The following SLC24A2 variants were observed in gnomAD, a reference collection of about 807,000 sequenced individuals.
SLC24A2 encodes sodium/potassium/calcium exchanger 2.
Under a neutral mutation model 62.0 loss-of-function variants are expected in SLC24A2, and 36 were observed. The observed-to-expected ratio is 0.58, with a 90% CI of 0.44 to 0.77. The LOEUF is 0.77. SLC24A2 is among the 30% of genes least tolerant of loss of function. The pLI, the probability that SLC24A2 is intolerant of heterozygous loss-of-function variation, is 0.00. For missense variants in SLC24A2, 846 were observed against 817.9 expected, an observed-to-expected ratio of 1.03 and a Z score of -0.42; for synonymous variants, 358 against 294.0, an observed-to-expected ratio of 1.22 and a Z score of -2.23.
the SLC24A2 span, among the ~76,000 whole-genome samples, chr9:20,263,459 G>A: frequency 6.6e-6 from 1 of 151,932 alleles, no homozygotes; most frequent in African/African-American, 2.4e-5. Context: ...ATGTTTCCAG[G>A]GCTGGTCTCA....
chr9:19,589,382 A>G (rs1026929679), intron 5 of SLC24A2, among the ~76,000 whole-genome samples: 5 of 152,212 alleles, frequency 3.3e-5, no homozygotes, highest in Admixed American at 1.3e-4. Flanking sequence ...AGAAACTGAT[A>G]AAAGTGGTCA....
At chr9:20,026,530 G>A in the SLC24A2 span, among the ~76,000 whole-genome samples, 1 of 152,118 alleles carries the variant, frequency 6.6e-6, no homozygotes, top group African/African-American at 2.4e-5. Context: ...CCAGTTAATG[G>A]CATCATTAAA....
chr9:20,049,335 C>G, the SLC24A2 span, among the ~76,000 whole-genome samples: 263 of 152,216 alleles, frequency 1.7e-3, no homozygotes, highest in Middle Eastern at 0.02. Flanking sequence ...ACTGAGTGAG[C>G]GCATTAAGTT....
chr9:20,206,235 A>G, the SLC24A2 span, among the ~76,000 whole-genome samples: 15 of 152,324 alleles, frequency 9.8e-5, no homozygotes, highest in African/African-American at 3.1e-4. Flanking sequence ...TATTAAAATA[A>G]TCTCCCCATT....
the SLC24A2 span, among the ~76,000 whole-genome samples, chr9:20,084,935 TTCTGTTATTACA>T: frequency 6.6e-6 from 1 of 152,216 alleles, no homozygotes; most frequent in Non-Finnish European, 1.5e-5. Context: ...AAAGGATTGC[TTCTGTTATTACA>T]TCTGTAGTTT....
At chr9:20,084,010 T>A in the SLC24A2 span, among the ~76,000 whole-genome samples, 1 of 152,316 alleles carries the variant, frequency 6.6e-6, no homozygotes, top group African/African-American at 2.4e-5. Context: ...ATATTGCAAA[T>A]AATAACCCAA....
intron 2 of SLC24A2, among the ~76,000 whole-genome samples, chr9:19,676,402 A>G (rs1436346851): frequency 6.6e-6 from 1 of 152,212 alleles, no homozygotes; most frequent in Middle Eastern, 3.4e-3. Context: ...ATTATCTGCC[A>G]TTTTCCTCCC....
chr9:19,946,223 T>C, the SLC24A2 span, among the ~76,000 whole-genome samples: 1 of 152,142 alleles, frequency 6.6e-6, no homozygotes, highest in Non-Finnish European at 1.5e-5. Context: ...AACTGCTCAA[T>C]AATTAAGTGG....
chr9:19,770,968 T>G (rs985052778), intron 2 of SLC24A2, among the ~76,000 whole-genome samples: 3 of 152,236 alleles, frequency 2.0e-5, no homozygotes, highest in African/African-American at 7.2e-5. Context: ...TCCAGAAGAT[T>G]CATCCTGTGA....
the SLC24A2 span, among the ~76,000 whole-genome samples, chr9:20,043,134 C>T: frequency 1.3e-5 from 2 of 152,150 alleles, no homozygotes; most frequent in South Asian, 4.1e-4. Context: ...GTGAGGAAGG[C>T]ATGTCGAAAG....
the SLC24A2 span, among the ~76,000 whole-genome samples, chr9:20,120,639 A>G: frequency 6.6e-6 from 1 of 152,140 alleles, no homozygotes; most frequent in Non-Finnish European, 1.5e-5. Context: ...TCTGTATATC[A>G]AACCCCATGT....
At chr9:20,255,015 C>T in the SLC24A2 span, among the ~76,000 whole-genome samples, 555 of 152,256 alleles carry the variant, frequency 3.6e-3, 2 homozygotes, top group Admixed American at 4.4e-3. Flanking sequence ...TCAATTACCT[C>T]CTACAAGGTC....
chr9:19,704,185 C>A (rs1308690586), intron 2 of SLC24A2, among the ~76,000 whole-genome samples: 1 of 152,148 alleles, frequency 6.6e-6, no homozygotes, highest in Admixed American at 6.6e-5. Context: ...TCTGGGGGAG[C>A]GCCTGAGATT....
chr9:19,702,240 C>T (rs937082094), intron 2 of SLC24A2, among the ~76,000 whole-genome samples: 9 of 152,172 alleles, frequency 5.9e-5, no homozygotes, highest in African/African-American at 2.2e-4. Flanking sequence ...TAGTCAAATG[C>T]CAGCATTCTC....
At chr9:20,157,440 T>A in the SLC24A2 span, among the ~76,000 whole-genome samples, 5 of 151,726 alleles carry the variant, frequency 3.3e-5, no homozygotes, top group South Asian at 1.0e-3. Context: ...AACAGGGGAA[T>A]TGAACAGAAT....
At chr9:19,863,255 T>C in the SLC24A2 span, among the ~76,000 whole-genome samples, 14 of 152,086 alleles carry the variant, frequency 9.2e-5, no homozygotes, top group East Asian at 2.3e-3. Context: ...AATATTATCA[T>C]AGCTAAAGAA....
chr9:19,741,090 C>A (rs1326969466), intron 2 of SLC24A2, among the ~76,000 whole-genome samples: 1 of 152,110 alleles, frequency 6.6e-6, no homozygotes, highest in African/African-American at 2.4e-5. Context: ...GCTGTCTCAC[C>A]CTTCCTGGGC....
the SLC24A2 span, among the ~76,000 whole-genome samples, chr9:20,292,184 G>A: frequency 1.3e-5 from 2 of 152,172 alleles, no homozygotes; most frequent in African/African-American, 4.8e-5. Flanking sequence ...GGGGGAAACT[G>A]ACTGCAGTAC....
At chr9:19,550,060 C>A in intron 8 of SLC24A2, 77 bp downstream of exon 8, 1 of 1,478,406 alleles carries the variant, frequency 6.8e-7, no homozygotes, top group Non-Finnish European at 9.4e-7. Flanking sequence ...CCTTTTAACA[C>A]AAACTGAAGC....
Sources: gnomAD v4.1 joint callset for allele counts (sites outside exome capture counted in the v4.1 genomes callset) on GRCh38, gnomAD v4.1.1 for gene constraint, MANE v1.5 for transcripts, NCBI Gene and HGNC (gene_info 2026-07-23, HGNC 2026-07-21) for gene names.